MDFIC: variants seen among roughly 807,000 people sequenced by gnomAD.
The protein encoded by MDFIC is MyoD family inhibitor domain containing.
A neutral mutation model predicts 23.2 loss-of-function variants in MDFIC; 17 were observed. The ratio of observed to expected loss-of-function variants is 0.73; its 90% CI spans 0.50 to 1.10. The LOEUF (loss-of-function observed/expected upper bound fraction) is 1.10, where lower values mean the gene tolerates loss of function less well. Ranked by LOEUF, MDFIC falls within the 50% of genes least tolerant of loss-of-function variation. MDFIC has a pLI of 0.00. For missense variants in MDFIC, 356 were observed against 316.6 expected (o/e 1.12, Z -0.95); for synonymous variants, 120 against 115.2 (o/e 1.04, Z -0.27).
chr7:114,945,990 T>C (rs1792636198), intron 3 of MDFIC, among the ~76,000 whole-genome samples: 1 of 152,220 alleles, frequency 6.6e-6, no homozygotes, highest in Non-Finnish European at 1.5e-5. Context: ...TATGGTATAA[T>C]TGAAGCTATG....
chr7:114,939,233 G>A (rs932782412), intron 2 of MDFIC, among the ~76,000 whole-genome samples: 1 of 152,186 alleles, frequency 6.6e-6, no homozygotes, highest in East Asian at 1.9e-4. Flanking sequence ...TATACAAGTG[G>A]AGAATTGGCA....
intron 4 of MDFIC, among the ~76,000 whole-genome samples, chr7:115,002,295 T>C (rs1484193937): frequency 6.6e-6 from 1 of 152,122 alleles, no homozygotes; most frequent in Non-Finnish European, 1.5e-5. Flanking sequence ...TCTTTTCAAC[T>C]CCCCTGTCTA....
In MDFIC at chr7:115,008,779, G is replaced by T. The variant is rs188425618; in HGVS notation, c.494-6909G>T. ...GCTAGATGCTCACTTAGCAATCTCGGCTGTGATTCAGGATAACCACAGCCT... is the reference window on the plus strand; with the variant it reads ...GCTAGATGCTCACTTAGCAATCTCGTCTGTGATTCAGGATAACCACAGCCT... On this transcript the variant is annotated intron_variant, in intron 4 of 4. Coordinates refer to ENST00000393486, the MANE Select transcript of MDFIC (RefSeq NM_001166345.3). Among the ~76,000 whole-genome samples, 267 of 152,308 alleles carry T rather than the reference G, an allele frequency of 1.8e-3. 1 individual carries two copies. Among genetic ancestry groups the T allele is most frequent in the African/African-American group, 6.1e-3 (252 of 41,558 alleles).
chr7:114,995,706 G>T (rs1251613228), intron 4 of MDFIC, among the ~76,000 whole-genome samples: 2 of 152,230 alleles, frequency 1.3e-5, no homozygotes, highest in African/African-American at 4.8e-5. Context: ...TCCTCTGGAA[G>T]CTTCATCTCA....
intron 4 of MDFIC, among the ~76,000 whole-genome samples, chr7:114,995,114 T>C (rs1045089278): frequency 1.3e-5 from 2 of 152,246 alleles, no homozygotes; most frequent in Non-Finnish European, 2.9e-5. Flanking sequence ...CAGTCACTGA[T>C]ACCCTTTCTT....
chr7:114,992,056 A>G (rs369783402), intron 4 of MDFIC, among the ~76,000 whole-genome samples: 7 of 152,086 alleles, frequency 4.6e-5, no homozygotes, highest in Admixed American at 4.6e-4. Context: ...TCCTTGAAGA[A>G]GTCCTTCACA....
At chr7:115,012,601 G>A (rs1791702420) in intron 4 of MDFIC, among the ~76,000 whole-genome samples, 1 of 152,126 alleles carries the variant, frequency 6.6e-6, no homozygotes, top group African/African-American at 2.4e-5. Context: ...AGGAGACTTG[G>A]ATAAGATTGT....
At chr7:114,993,944 T>C (rs1791251008) in intron 4 of MDFIC, among the ~76,000 whole-genome samples, 1 of 152,148 alleles carries the variant, frequency 6.6e-6, no homozygotes. Flanking sequence ...ATGTTGACAG[T>C]GGGGTGTTAA....
intron 3 of MDFIC, among the ~76,000 whole-genome samples, chr7:114,977,134 G>A (rs890277038): frequency 6.6e-6 from 1 of 152,130 alleles, no homozygotes; most frequent in Non-Finnish European, 1.5e-5. Context: ...TTTTGTTGTT[G>A]CTGGTGATTT....
intron 3 of MDFIC, among the ~76,000 whole-genome samples, chr7:114,972,736 C>T (rs1253106636): frequency 6.6e-6 from 1 of 152,156 alleles, no homozygotes; most frequent in Admixed American, 6.6e-5. Context: ...TCAAGCCATC[C>T]TCCCACTGTA....
At chr7:114,931,646 G>A (rs1173675528) in intron 2 of MDFIC, among the ~76,000 whole-genome samples, 1 of 152,192 alleles carries the variant, frequency 6.6e-6, no homozygotes, top group East Asian at 1.9e-4. Context: ...TAATAGCCAT[G>A]TGACAGATTA....
chr7:114,952,021 C>T (rs955767726), intron 3 of MDFIC, among the ~76,000 whole-genome samples: 5 of 152,198 alleles, frequency 3.3e-5, no homozygotes, highest in African/African-American at 9.6e-5. Context: ...CGCGTAGTTT[C>T]GCACCCATGA....
At chr7:114,991,490 A>T (rs1791160067) in intron 4 of MDFIC, among the ~76,000 whole-genome samples, 1 of 152,170 alleles carries the variant, frequency 6.6e-6, no homozygotes, top group Non-Finnish European at 1.5e-5. Flanking sequence ...TAGGTCTGAC[A>T]TTTGAGTCTT....
chr7:114,930,454 A>G (rs1478649553), intron 2 of MDFIC, among the ~76,000 whole-genome samples: 1 of 152,194 alleles, frequency 6.6e-6, no homozygotes. Flanking sequence ...GAGAAAAAAA[A>G]TTGTGGCTGT....
At position 114,942,348 on chromosome 7, in the gene MDFIC, G is replaced by T. The variant is rs779320292; in HGVS notation, c.168G>T (p.Met56Ile). Reference sequence around the variant, plus strand: ...ATAGCCACTTCACACATGGAGAGATGCAAGACCAGTCCATTTGGGGAAATC... The same window carrying T: ...ATAGCCACTTCACACATGGAGAGATTCAAGACCAGTCCATTTGGGGAAATC... The part of the protein sequence containing the change: ...ATNSHFTHGE[M>I]QDQSIWGNPS... Residue 56 changes from methionine (M) to isoleucine (I), a missense_variant, in exon 3 of 5, where the codon ATG becomes ATT. By Grantham distance (10) the Met-to-Ile change is conservative (BLOSUM62 1). Transcript: ENST00000393486. The T allele has an allele frequency of 1.0e-5, 16 of 1,606,682 alleles. No homozygotes were observed. Among genetic ancestry groups the T allele is most frequent in the Non-Finnish European group, 1.3e-5 (15 of 1,175,482 alleles).
At chr7:114,929,684 A>G (rs771020353) in intron 2 of MDFIC, among the ~76,000 whole-genome samples, 5 of 152,134 alleles carry the variant, frequency 3.3e-5, no homozygotes, top group Non-Finnish European at 4.4e-5. Flanking sequence ...AGATGAAAAG[A>G]GTTTTGGTTT....
Position 115,006,295 on chromosome 7 carries a change from A to T in MDFIC, c.494-9393A>T, listed in dbSNP as rs77257004. ...CAGTCCTGTGAATATTGTCAGTATCAGTCAGCCTTCTTTTAGTGTGTTTGT... is the reference window on the plus strand; with the variant it reads ...CAGTCCTGTGAATATTGTCAGTATCTGTCAGCCTTCTTTTAGTGTGTTTGT... On this transcript the variant is annotated intron_variant, in intron 4 of 4. Transcript: ENST00000393486. Among the ~76,000 whole-genome samples the T allele has an allele frequency of 4.3e-3, 654 of 152,320 alleles. 3 individuals carry two copies. The highest frequency in any genetic ancestry group is 0.013 in the African/African-American group (548 of 41,558).
Position 115,018,579 on chromosome 7 carries a change from A to T in MDFIC, c.*2644A>T, listed in dbSNP as rs1791841752. ...TGTGAAAATAGTTTCAATATATCTTATGATTTCTTAATGTAAAATGTTTTG... is the reference window on the plus strand; with the variant it reads ...TGTGAAAATAGTTTCAATATATCTTTTGATTTCTTAATGTAAAATGTTTTG... On this transcript the variant is annotated 3_prime_UTR_variant, in exon 5 of 5. Transcript: ENST00000393486. 1 of 152,426 alleles carries T rather than the reference A, an allele frequency of 6.6e-6. No homozygotes were observed. The highest frequency in any genetic ancestry group is 2.4e-5 in the African/African-American group (1 of 41,446). 9.4% of individuals were successfully genotyped at this position (152,426 alleles called of 1,614,324 possible). A position where few individuals can be genotyped will look rare whatever the true frequency, so the allele number is the denominator to read the frequency against.
chr7:114,990,992 A>C (rs1444124717), intron 4 of MDFIC, among the ~76,000 whole-genome samples: 1 of 151,662 alleles, frequency 6.6e-6, no homozygotes, highest in African/African-American at 2.4e-5. Context: ...CTATTTCTCC[A>C]CATCCTCTCT....
Sources: gnomAD v4.1 joint callset for allele counts (sites outside exome capture counted in the v4.1 genomes callset) on GRCh38, gnomAD v4.1.1 for gene constraint, MANE v1.5 for transcripts, NCBI Gene and HGNC (gene_info 2026-07-23, HGNC 2026-07-21) for gene names.